The following FMN1 variants were observed in gnomAD, a reference collection of about 807,000 sequenced individuals.
FMN1 encodes formin-1.
In FMN1, 110 loss-of-function variants were observed where a neutral mutation model predicts 132.4. That is an observed-to-expected ratio of 0.83 (90% CI 0.71 to 0.97). FMN1 has a LOEUF of 0.97. Among genes scored for constraint, FMN1 ranks in the 50% least tolerant of loss-of-function variants. The probability of loss-of-function intolerance (pLI) is 0.00; values close to 1 mark genes in which losing one functional copy is unlikely to be tolerated. For synonymous variants in FMN1, 722 were observed against 651.7 expected (o/e 1.11, Z -1.64); for missense variants, 1,792 against 1,705.3 (o/e 1.05, Z -0.90).
chr15:33,037,746 C>T (rs945651401), intron 6 of FMN1, among the ~76,000 whole-genome samples: 2 of 152,168 alleles, frequency 1.3e-5, no homozygotes, highest in African/African-American at 2.4e-5. Flanking sequence ...ACAGGTGATT[C>T]GGATACAGTA....
Position 32,926,980 on chromosome 15 carries a change from C to T in FMN1, c.3139-719G>A, listed in dbSNP as rs1003166924. Among the ~76,000 whole-genome samples the T allele has an allele frequency of 2.0e-5, 3 of 152,038 alleles. No homozygotes were observed. The East Asian group carries it at 5.8e-4, about 29-fold the overall frequency. ...TTAAATTTTTTTATAGAGACAAGGT[C>T]TCCATAAAAACTTCATTGCCCAGGC... On this transcript the variant is annotated intron_variant, in intron 9 of 20. Transcript: ENST00000616417.
intron 17 of FMN1, among the ~76,000 whole-genome samples, chr15:32,828,735 TC>T (rs1223257033): frequency 6.6e-6 from 1 of 152,320 alleles, no homozygotes; most frequent in African/African-American, 2.4e-5. Flanking sequence ...TGGCTCATGT[TC>T]CCTCTTAACC....
chr15:33,081,610 T>G (rs2038463139), intron 5 of FMN1, among the ~76,000 whole-genome samples: 1 of 152,210 alleles, frequency 6.6e-6, no homozygotes, highest in Non-Finnish European at 1.5e-5. Flanking sequence ...ATCCATTAAA[T>G]GAATGTCTTT....
At chr15:33,096,503 G>C (rs750158006) in intron 4 of FMN1, among the ~76,000 whole-genome samples, 5 of 152,112 alleles carry the variant, frequency 3.3e-5, no homozygotes, top group Non-Finnish European at 5.9e-5. Context: ...AGGCACCAGA[G>C]TTTTCCTATC....
rs193208337 is a variant in FMN1 at position 33,154,483 on chromosome 15, G to A, written c.432C>T (p.Pro144=). ...QSAGDWQGEL[P]VGPLNKRSTH... ...TGCTCCTCTTATTGAGAGGGCCCACGGGGAGCTCTCCCTGCCAGTCACCAG... is the reference window on the plus strand; with the variant it reads ...TGCTCCTCTTATTGAGAGGGCCCACAGGGAGCTCTCCCTGCCAGTCACCAG... Residue 144 remains proline (P), a synonymous_variant, in exon 4 of 21, where the codon CCC becomes CCT. Transcript: ENST00000616417. 30 of 1,535,886 alleles carry A rather than the reference G, an allele frequency of 2.0e-5. No individual in the cohort carries two copies. The highest frequency in any genetic ancestry group is 1.5e-4 in the East Asian group (6 of 40,884).
chr15:33,056,899 G>A (rs553155488), intron 6 of FMN1, among the ~76,000 whole-genome samples: 16 of 152,246 alleles, frequency 1.1e-4, no homozygotes, highest in African/African-American at 2.9e-4. Context: ...AAACTAGGCC[G>A]GGCACAGTGG....
intron 16 of FMN1, among the ~76,000 whole-genome samples, chr15:32,871,731 AT>A (rs2059521214): frequency 6.6e-6 from 1 of 152,238 alleles, no homozygotes; most frequent in South Asian, 2.1e-4. Flanking sequence ...TTGGTACAAA[AT>A]GGGTTGTACC....
At chr15:32,899,441 C>T (rs914863073) in intron 14 of FMN1, among the ~76,000 whole-genome samples, 3 of 152,156 alleles carry the variant, frequency 2.0e-5, no homozygotes, top group Non-Finnish European at 2.9e-5. Flanking sequence ...CCTCCCTGCA[C>T]CCCCCTGCCC....
chr15:32,781,998 G>T (rs12439035), intron 19 of FMN1, among the ~76,000 whole-genome samples: 71,420 of 151,990 alleles, frequency 0.47, 17,053 homozygotes, highest in Middle Eastern at 0.61. Context: ...TTCCATGCAT[G>T]CAAATTCTTC....
chr15:32,899,850 G>T, intron 14 of FMN1, 129 bp downstream of exon 14: 1 of 891,672 alleles, frequency 1.1e-6, no homozygotes, highest in Non-Finnish European at 1.7e-6. Flanking sequence ...AAAAATGCAT[G>T]CTCTAATATA....
At chr15:33,034,135 A>G (rs139843058) in intron 6 of FMN1, among the ~76,000 whole-genome samples, 2 of 152,272 alleles carry the variant, frequency 1.3e-5, no homozygotes, top group South Asian at 2.1e-4. Flanking sequence ...CCGTTTCCCA[A>G]TGCCACACTC....
chr15:32,903,748 T>A (rs563861171), intron 12 of FMN1, among the ~76,000 whole-genome samples: 2 of 152,178 alleles, frequency 1.3e-5, no homozygotes, highest in Non-Finnish European at 2.9e-5. Context: ...AGGACCAATA[T>A]GAGGCGACAA....
intron 15 of FMN1, among the ~76,000 whole-genome samples, chr15:32,893,540 G>GA (rs2060083490): frequency 6.6e-6 from 1 of 152,246 alleles, no homozygotes; most frequent in African/African-American, 2.4e-5. Context: ...AACCAGGCAT[G>GA]AGAATAAGGA....
intron 17 of FMN1, among the ~76,000 whole-genome samples, chr15:32,822,131 C>T (rs1239445197): frequency 2.0e-5 from 3 of 152,000 alleles, no homozygotes; most frequent in African/African-American, 7.2e-5. Context: ...GGTGAATCAC[C>T]TGAGATCAGG....
chr15:32,922,703 A>C (rs915271025), intron 10 of FMN1, among the ~76,000 whole-genome samples: 4 of 152,226 alleles, frequency 2.6e-5, no homozygotes, highest in African/African-American at 7.2e-5. Flanking sequence ...TCTCAGAAAA[A>C]TTGAAATGTC....
chr15:33,193,485 A>G (rs1283782994), intron 2 of FMN1, among the ~76,000 whole-genome samples: 1 of 152,144 alleles, frequency 6.6e-6, no homozygotes, highest in Non-Finnish European at 1.5e-5. Context: ...CACATGTCCC[A>G]TATGCAAACA....
In FMN1 at chr15:32,771,128, G is replaced by C. The variant is rs540759901; in HGVS notation, c.*3182C>G. 46 of 151,002 alleles carry C rather than the reference G, an allele frequency of 3.0e-4. No individual in the cohort carries two copies. The highest frequency in any genetic ancestry group is 1.1e-3 in the African/African-American group (44 of 41,028). 9.4% of individuals were successfully genotyped at this position (151,002 alleles called of 1,614,324 possible). A position where few individuals can be genotyped will look rare whatever the true frequency, so the allele number is the denominator to read the frequency against. ...CGGAGTCTCACTGTCGCCCAGGCTGGAGTGCAGTGGTGCTATCTCGGCTAG... is the reference window on the plus strand; with the variant it reads ...CGGAGTCTCACTGTCGCCCAGGCTGCAGTGCAGTGGTGCTATCTCGGCTAG... On this transcript the variant is annotated 3_prime_UTR_variant, in exon 21 of 21. Coordinates refer to ENST00000616417, the MANE Select transcript of FMN1 (RefSeq NM_001277313.2).
At chr15:33,046,536 A>G (rs770314795) in intron 6 of FMN1, among the ~76,000 whole-genome samples, 24 of 152,156 alleles carry the variant, frequency 1.6e-4, no homozygotes, top group African/African-American at 4.3e-4. Context: ...GAAAAATGCT[A>G]ATTTGGTTAC....
At chr15:32,775,776 C>T (rs1179917468) in intron 20 of FMN1, among the ~76,000 whole-genome samples, 11 of 152,192 alleles carry the variant, frequency 7.2e-5, no homozygotes, top group Non-Finnish European at 1.5e-4. Flanking sequence ...GAAATAATCT[C>T]ACTTTGTAAC....
Sources: allele counts gnomAD v4.1 joint callset (sites outside exome capture counted in the v4.1 genomes callset), GRCh38; gene constraint gnomAD v4.1.1; transcripts MANE v1.5; gene names NCBI Gene and HGNC (gene_info 2026-07-23, HGNC 2026-07-21).